The following ARHGAP39 variants were observed in gnomAD, a reference collection of about 807,000 sequenced individuals.
ARHGAP39 encodes Rho GTPase activating protein 39, also known as rho GTPase-activating protein 39.
A neutral mutation model predicts 106.9 loss-of-function variants in ARHGAP39; 44 were observed. The ratio of observed to expected loss-of-function variants is 0.41; its 90% CI spans 0.32 to 0.53. ARHGAP39 has a LOEUF of 0.53. Among genes scored for constraint, ARHGAP39 ranks in the 20% least tolerant of loss-of-function variants. The probability of loss-of-function intolerance (pLI) is 0.21; values close to 1 mark genes in which losing one functional copy is unlikely to be tolerated. For synonymous variants in ARHGAP39, 768 were observed against 693.2 expected (o/e 1.11, Z -1.69); for missense variants, 1,496 against 1,577.3 (o/e 0.95, Z 0.87).
chr8:144,694,909 A>G, the ARHGAP39 span, among the ~76,000 whole-genome samples: 2 of 152,200 alleles, frequency 1.3e-5, no homozygotes, highest in Non-Finnish European at 2.9e-5. Context: ...ACAATCGATC[A>G]GCACCAAGTG....
At chr8:144,668,032 T>TA (rs1822007630) in intron 1 of ARHGAP39, among the ~76,000 whole-genome samples, 1 of 150,818 alleles carries the variant, frequency 6.6e-6, no homozygotes, top group Admixed American at 6.6e-5. Flanking sequence ...TTTTTTTTTT[T>TA]AACCTCCATT....
chr8:144,531,206 G>A (rs57917695), intron 10 of ARHGAP39, among the ~76,000 whole-genome samples: 6,323 of 141,030 alleles, frequency 0.045, 860 homozygotes, highest in African/African-American at 0.18. Context: ...AGCAGGTGGG[G>A]AGTGGGCTAG....
intron 3 of ARHGAP39, among the ~76,000 whole-genome samples, chr8:144,560,332 G>A (rs1006533934): frequency 6.6e-6 from 1 of 152,248 alleles, no homozygotes; most frequent in African/African-American, 2.4e-5. Context: ...CTACTTGGGA[G>A]GCTGAGGCAG....
Position 144,646,113 on chromosome 8 carries a change from T to C in ARHGAP39, c.-82+39573A>G, listed in dbSNP as rs771197817. Among the ~76,000 whole-genome samples the C allele has an allele frequency of 1.1e-4, 17 of 152,228 alleles. No individual in the cohort carries two copies. Among genetic ancestry groups the C allele is most frequent in the Non-Finnish European group, 1.8e-4 (12 of 68,010 alleles). On this transcript the variant is annotated intron_variant, in intron 1 of 11. Transcript: ENST00000377307. The surrounding 1 kb of genome is among the most constrained non-coding windows in gnomAD (Gnocchi z 5.7). ...ACCCCTCCCCACCGGTGGCACCAAA[T>C]GTCCGCCAGCAAGGACGGACACATC... is the stretch of plus-strand genomic sequence containing the variant.
the ARHGAP39 span, among the ~76,000 whole-genome samples, chr8:144,696,115 C>G: frequency 6.6e-6 from 1 of 152,116 alleles, no homozygotes; most frequent in South Asian, 2.1e-4. Flanking sequence ...TTTGCTCTGC[C>G]GCATGTCTTC....
chr8:144,656,807 C>CAA (rs35058065), intron 1 of ARHGAP39, among the ~76,000 whole-genome samples: 2,083 of 41,958 alleles, frequency 0.05, 412 homozygotes, highest in African/African-American at 0.12. Context: ...GACTCCATCT[C>CAA]AAAAAAAAAA....
intron 3 of ARHGAP39, among the ~76,000 whole-genome samples, chr8:144,567,817 C>T (rs1041769474): frequency 1.2e-4 from 19 of 152,218 alleles, no homozygotes; most frequent in African/African-American, 4.6e-4. Flanking sequence ...GGACATGTGA[C>T]CCACGTGGCT....
At chr8:144,541,377 G>T (rs1464967879) in intron 6 of ARHGAP39, among the ~76,000 whole-genome samples, 1 of 152,156 alleles carries the variant, frequency 6.6e-6, no homozygotes, top group Non-Finnish European at 1.5e-5. Flanking sequence ...GTTTTTAAAA[G>T]TTTGGTAAAA....
chr8:144,559,347 T>C (rs1162554388), intron 3 of ARHGAP39, among the ~76,000 whole-genome samples: 1 of 122,800 alleles, frequency 8.1e-6, no homozygotes, highest in Non-Finnish European at 1.6e-5. Context: ...CAGAGTGACT[T>C]TGTCTCCAAA....
chr8:144,649,102 T>G (rs1821513572), intron 1 of ARHGAP39, among the ~76,000 whole-genome samples: 1 of 152,136 alleles, frequency 6.6e-6, no homozygotes, highest in African/African-American at 2.4e-5. Context: ...GATAGGCCAC[T>G]AGCTAGACTA....
At chr8:144,550,471 C>T (rs1817650637) in intron 4 of ARHGAP39, among the ~76,000 whole-genome samples, 1 of 152,194 alleles carries the variant, frequency 6.6e-6, no homozygotes, top group Non-Finnish European at 1.5e-5. Context: ...AAACCCCACA[C>T]ATTTTATAAG....
rs568223925 is a variant in ARHGAP39 at position 144,544,378 on chromosome 8, C to T, written c.2521+871G>A. ...GGGTAAGGCCCAGCAAGGCCCTGAC[C>T]AGGGGCTCAATCTCTGCAGAGGCAA... On this transcript the variant is annotated intron_variant, in intron 6 of 11. Transcript: ENST00000377307. 2.6e-4 allele frequency among the ~76,000 whole-genome samples: 39 copies of T among 152,378 alleles called. No homozygotes were observed. The South Asian group carries it at 7.2e-3, about 28-fold the overall frequency.
chr8:144,597,738 A>G (rs1819676319), intron 2 of ARHGAP39, among the ~76,000 whole-genome samples: 1 of 152,202 alleles, frequency 6.6e-6, no homozygotes. Context: ...TCAGTTAGGA[A>G]AGGGCTTCCT....
At chr8:144,631,308 G>A (rs1444497642) in intron 1 of ARHGAP39, among the ~76,000 whole-genome samples, 3 of 152,220 alleles carry the variant, frequency 2.0e-5, no homozygotes, top group East Asian at 1.9e-4. Flanking sequence ...GCAGCAGCAG[G>A]AACGGACGAG....
Position 144,580,613 on chromosome 8 carries a change from C to T in ARHGAP39, c.512+233G>A, listed in dbSNP as rs551555897. 3.9e-3 allele frequency among the ~76,000 whole-genome samples: 581 copies of T among 150,424 alleles called. 1 individual carries two copies. The highest frequency in any genetic ancestry group is 6.6e-3 in the Non-Finnish European group (443 of 67,378). On this transcript the variant is annotated intron_variant, in intron 3 of 11. Coordinates refer to ENST00000377307, the MANE Select transcript of ARHGAP39 (RefSeq NM_025251.3). ...GGCCCTGCCCACCATACCTGACCTA[C>T]TCCTCACCTGGCCCCGCCCACCACC...
At chr8:144,627,742 A>G (rs1820962291) in intron 1 of ARHGAP39, among the ~76,000 whole-genome samples, 1 of 152,170 alleles carries the variant, frequency 6.6e-6, no homozygotes, top group Non-Finnish European at 1.5e-5. Flanking sequence ...TGGGCAACAG[A>G]GCAAGACCCT....
At chr8:144,655,876 A>G (rs1023497474) in intron 1 of ARHGAP39, among the ~76,000 whole-genome samples, 5 of 152,210 alleles carry the variant, frequency 3.3e-5, no homozygotes, top group Non-Finnish European at 5.9e-5. Flanking sequence ...ACCAAAGTTC[A>G]GTCTTATCCA....
intron 1 of ARHGAP39, among the ~76,000 whole-genome samples, chr8:144,606,370 G>A (rs146291915): frequency 6.6e-6 from 1 of 152,022 alleles, no homozygotes; most frequent in East Asian, 1.9e-4. Context: ...CCTTCTCCTC[G>A]GCCTACTCAA....
intron 3 of ARHGAP39, among the ~76,000 whole-genome samples, chr8:144,566,819 C>T (rs951767812): frequency 1.0e-4 from 15 of 150,040 alleles, no homozygotes; most frequent in South Asian, 4.2e-4. Flanking sequence ...CGTGCCACTG[C>T]GCTCCAGCCT....
Sources: allele counts gnomAD v4.1 joint callset (sites outside exome capture counted in the v4.1 genomes callset), GRCh38; gene constraint gnomAD v4.1.1; non-coding constraint Gnocchi (gnomAD v3.1); transcripts MANE v1.5; gene names NCBI Gene and HGNC (gene_info 2026-07-23, HGNC 2026-07-21).